Variants in CHN2 observed in about 807,000 individuals in gnomAD.
CHN2 encodes beta-chimaerin.
Under a neutral mutation model 56.3 loss-of-function variants are expected in CHN2, and 35 were observed. That is an observed-to-expected ratio of 0.62 (90% CI 0.47 to 0.82). CHN2 has a LOEUF of 0.82. Ranked by LOEUF, CHN2 falls within the 40% of genes least tolerant of loss-of-function variation. The pLI, the probability that CHN2 is intolerant of heterozygous loss-of-function variation, is 0.00. For synonymous variants in CHN2, 210 were observed against 212.8 expected (o/e 0.99, Z 0.12); for missense variants, 491 against 580.5 (o/e 0.85, Z 1.58).
At chr7:29,176,050 G>T (rs1303362135) in intron 2 of CHN2, among the ~76,000 whole-genome samples, 1 of 152,104 alleles carries the variant, frequency 6.6e-6, no homozygotes, top group African/African-American at 2.4e-5. Flanking sequence ...GCCAGGCGTG[G>T]TGGTGGGCGC....
chr7:29,422,059 C>T (rs1038710602), intron 6 of CHN2, among the ~76,000 whole-genome samples: 1 of 152,070 alleles, frequency 6.6e-6, no homozygotes, highest in Admixed American at 6.5e-5. Context: ...GTAACATTCT[C>T]CTTTGAAATA....
chr7:29,509,587 G>C, intron 12 of CHN2, 181 bp downstream of exon 12: 1 of 493,366 alleles, frequency 2.0e-6, no homozygotes, highest in Non-Finnish European at 3.7e-6. Flanking sequence ...GCTCACGCCT[G>C]TAATCCCAGC....
intron 1 of CHN2, among the ~76,000 whole-genome samples, chr7:29,310,509 C>T (rs984371166): frequency 3.9e-5 from 6 of 152,258 alleles, no homozygotes; most frequent in Admixed American, 1.3e-4. Context: ...TAGTGCCCAA[C>T]GGTAGTTCCC....
chr7:29,268,543 A>G (rs1186536041), intron 1 of CHN2, among the ~76,000 whole-genome samples: 1 of 151,750 alleles, frequency 6.6e-6, no homozygotes, highest in East Asian at 1.9e-4. Flanking sequence ...CCAGATGTGG[A>G]ATGCACGGAT....
chr7:29,354,868 G>A (rs1309665664), intron 2 of CHN2, among the ~76,000 whole-genome samples: 1 of 151,848 alleles, frequency 6.6e-6, no homozygotes, highest in East Asian at 1.9e-4. Context: ...AACCAGCTGT[G>A]GCCCATTTCA....
chr7:29,346,541 G>C (rs1441333440), intron 1 of CHN2, among the ~76,000 whole-genome samples: 1 of 152,216 alleles, frequency 6.6e-6, no homozygotes, highest in East Asian at 1.9e-4. Context: ...GGCTTTTCTG[G>C]GAGAGGGGAT....
chr7:29,177,556 C>T (rs942435730), intron 2 of CHN2, among the ~76,000 whole-genome samples: 1 of 147,654 alleles, frequency 6.8e-6, no homozygotes, highest in Non-Finnish European at 1.5e-5. Flanking sequence ...GCCTGGCCCC[C>T]TCACTTTTTT....
intron 2 of CHN2, among the ~76,000 whole-genome samples, chr7:29,150,876 C>T (rs1793498315): frequency 6.6e-6 from 1 of 152,186 alleles, no homozygotes; most frequent in South Asian, 2.1e-4. Flanking sequence ...ATTAATTGTT[C>T]AATAAACACT....
rs530333518 is a variant in CHN2, at chr7:29,226,060, GA to G, written c.49+31071del. 8.3e-4 allele frequency among the ~76,000 whole-genome samples: 126 copies of G among 152,238 alleles called. 2 individuals carry two copies. The South Asian group carries it at 0.025, about 30-fold the overall frequency. ...TATAACAATTTCTGGGCTGGCAAGG[GA>G]GACGTATTAAATAACCTTTCTTCTT... is the stretch of plus-strand genomic sequence containing the variant. On this transcript the variant is annotated intron_variant, in intron 1 of 12. Transcript: ENST00000222792.
chr7:29,466,565 T>C (rs921711119), intron 6 of CHN2, among the ~76,000 whole-genome samples: 2 of 152,228 alleles, frequency 1.3e-5, no homozygotes, highest in African/African-American at 4.8e-5. Flanking sequence ...TTTCTATCAA[T>C]AGAGGCCCTA....
At chr7:29,256,515 T>C (rs1342150859) in intron 1 of CHN2, among the ~76,000 whole-genome samples, 4 of 152,238 alleles carry the variant, frequency 2.6e-5, no homozygotes, top group Non-Finnish European at 5.9e-5. Flanking sequence ...GCAGTGCAGC[T>C]TGCCTATAGG....
intron 3 of CHN2, among the ~76,000 whole-genome samples, chr7:29,383,276 G>T (rs564326855): frequency 2.0e-5 from 3 of 152,218 alleles, no homozygotes; most frequent in South Asian, 4.1e-4. Flanking sequence ...TGGTGTAGTT[G>T]GAAGGCCTGA....
At chr7:29,198,077 A>T (rs1440951430) in intron 1 of CHN2, 3 of 455,610 alleles carry the variant, frequency 6.6e-6, no homozygotes, top group Admixed American at 2.4e-5. Context: ...CAGCTCACTC[A>T]TTGCTGCTGC....
At chr7:29,390,053 C>CA (rs59954760) in intron 3 of CHN2, among the ~76,000 whole-genome samples, 5,417 of 121,958 alleles carry the variant, frequency 0.044, 325 homozygotes, top group African/African-American at 0.11. Context: ...GACACTGTCT[C>CA]AAAAAAAAAA....
Position 29,512,898 on chromosome 7 carries a change from C to G in CHN2, c.*163C>G. The stretch of plus-strand genomic sequence containing the variant: ...GGGTACTGTGTCTCATAGACATGCG[C>G]CACCTCCACGTGAGAACAAGGGTGA... On this transcript the variant is annotated 3_prime_UTR_variant, in exon 13 of 13. Transcript: ENST00000222792. 1 of 680,662 alleles carries G rather than the reference C, an allele frequency of 1.5e-6. No homozygotes were observed. Among genetic ancestry groups the G allele is most frequent in the South Asian group, 2.3e-5 (1 of 43,616 alleles). 42.2% of individuals were successfully genotyped at this position (680,662 alleles called of 1,614,324 possible).
intron 1 of CHN2, among the ~76,000 whole-genome samples, chr7:29,285,598 CAG>C (rs56930263): frequency 0.01 from 1,561 of 152,342 alleles, 23 homozygotes; most frequent in African/African-American, 0.036. Context: ...ATACCACACG[CAG>C]AGTCAATCAA....
At chr7:29,440,684 C>CAAAAAAAAAA in intron 6 of CHN2, among the ~76,000 whole-genome samples, 1 of 45,650 alleles carries the variant, frequency 2.2e-5, no homozygotes, top group Non-Finnish European at 5.5e-5. Context: ...GACTCCGTCT[C>CAAAAAAAAAA]AAAAAAAAAA....
intron 3 of CHN2, among the ~76,000 whole-genome samples, chr7:29,377,038 G>C (rs959914198): frequency 1.3e-5 from 2 of 151,980 alleles, no homozygotes; most frequent in Admixed American, 6.6e-5. Context: ...TATTTTGTTT[G>C]TTTATTTGAG....
intron 11 of CHN2, among the ~76,000 whole-genome samples, chr7:29,508,600 G>A (rs1790896652): frequency 6.6e-6 from 1 of 152,000 alleles, no homozygotes; most frequent in African/African-American, 2.4e-5. Context: ...TAGTGGTCCT[G>A]GCAAAGAAGG....
Sources: gnomAD v4.1 joint callset for allele counts (sites outside exome capture counted in the v4.1 genomes callset) on GRCh38, gnomAD v4.1.1 for gene constraint, MANE v1.5 for transcripts, NCBI Gene and HGNC (gene_info 2026-07-23, HGNC 2026-07-21) for gene names.